The following WDFY2 variants were observed in gnomAD, a reference collection of about 807,000 sequenced individuals.
WDFY2 encodes WD repeat and FYVE domain-containing protein 2.
WDFY2 carries 36 observed loss-of-function variants against 56.4 expected under a neutral mutation model. The ratio of observed to expected loss-of-function variants is 0.64; its 90% confidence interval spans 0.49 to 0.84. WDFY2 has a LOEUF of 0.84. Ranked by LOEUF, WDFY2 falls within the 40% of genes least tolerant of loss-of-function variation. WDFY2 has a pLI of 0.00. For synonymous variants in WDFY2, 176 were observed against 183.7 expected, an observed-to-expected ratio of 0.96 and a Z score of 0.34; for missense variants, 444 against 512.2, an observed-to-expected ratio of 0.87 and a Z score of 1.29.
In WDFY2 at chr13:51,736,642, G is replaced by A. The variant is rs560480030; in HGVS notation, c.599-2407G>A. ...CAAGTAGCTGGAACTACAGGTGCGC[G>A]CCACCACGCCCAGCTAATTTTTGTA... is the stretch of plus-strand genomic sequence containing the variant. On this transcript the variant is annotated intron_variant, in intron 6 of 11. Coordinates refer to ENST00000298125, the MANE Select transcript of WDFY2 (RefSeq NM_052950.4). 2.8e-3 allele frequency among the ~76,000 whole-genome samples: 431 copies of A among 152,242 alleles called. 3 individuals carry two copies. The highest frequency in any genetic ancestry group is 9.8e-3 in the African/African-American group (409 of 41,558).
At chr13:51,687,740 C>G (rs1002279422) in intron 3 of WDFY2, among the ~76,000 whole-genome samples, 7 of 151,974 alleles carry the variant, frequency 4.6e-5, no homozygotes, top group African/African-American at 1.7e-4. Flanking sequence ...AACTCCATTC[C>G]TTAAAATCTG....
chr13:51,637,800 G>A (rs1955080803), intron 1 of WDFY2, among the ~76,000 whole-genome samples: 1 of 152,134 alleles, frequency 6.6e-6, no homozygotes, highest in Non-Finnish European at 1.5e-5. Flanking sequence ...TTGTGATAAA[G>A]GATTAATTGT....
intron 3 of WDFY2, among the ~76,000 whole-genome samples, chr13:51,689,751 C>T (rs1956120848): frequency 1.3e-5 from 2 of 152,134 alleles, no homozygotes; most frequent in Admixed American, 6.6e-5. Context: ...GCCAGTGAAA[C>T]CTCTTTTCAT....
chr13:51,698,245 A>G (rs1302987448), intron 3 of WDFY2, among the ~76,000 whole-genome samples: 1 of 152,234 alleles, frequency 6.6e-6, no homozygotes. Context: ...ATAATCTTAA[A>G]TGTATATGTA....
intron 1 of WDFY2, among the ~76,000 whole-genome samples, chr13:51,627,074 G>C (rs1407832694): frequency 6.6e-6 from 1 of 152,246 alleles, no homozygotes; most frequent in Admixed American, 6.5e-5. Context: ...CTCCATGCCA[G>C]CCTGTGGCTG....
In WDFY2 at chr13:51,766,667, G is replaced by C. The variant is rs1489207094; in HGVS notation, c.*6898G>C. 1.3e-5 allele frequency: 2 copies of C among 152,350 alleles called. No homozygotes were observed. The highest frequency in any genetic ancestry group is 3.9e-4 in the East Asian group (2 of 5,192). 9.4% of individuals were successfully genotyped at this position (152,350 alleles called of 1,614,324 possible). A position where few individuals can be genotyped will look rare whatever the true frequency, so the allele number is the denominator to read the frequency against. ...TCAAATGCTGCTGAATATTGTGAAT[G>C]TTTTTACTCCGCTCACTTTCCCACT... On this transcript the variant is annotated 3_prime_UTR_variant, in exon 12 of 12. Coordinates refer to ENST00000298125, the MANE Select transcript of WDFY2 (RefSeq NM_052950.4).
In WDFY2 at chr13:51,767,173, C is replaced by G. The variant is rs1953776565; in HGVS notation, c.*7404C>G. The G allele has an allele frequency of 6.6e-6, 1 of 152,288 alleles. No homozygotes were observed. The highest frequency in any genetic ancestry group is 2.1e-4 in the South Asian group (1 of 4,836). The allele number at this position is 152,288 out of a possible 1,614,324, so 9.4% of individuals were successfully genotyped here. On this transcript the variant is annotated 3_prime_UTR_variant, in exon 12 of 12. Transcript: ENST00000298125. Reference sequence around the variant, plus strand: ...AAATAGGTGCAAAGGCACCAAGTGACCTGCATGCTATGGAATCACCGTTGA... The same window carrying G: ...AAATAGGTGCAAAGGCACCAAGTGAGCTGCATGCTATGGAATCACCGTTGA...
At position 51,621,978 on chromosome 13, in the gene WDFY2, G is replaced by A. The variant is rs146736126; in HGVS notation, c.137+37154G>A. On this transcript the variant is annotated intron_variant, in intron 1 of 11. Transcript: ENST00000298125. ...TTTTTTTAAGCTTTTTTTGCTCAAT[G>A]TAGCTTGATGTAGAAAGATGAGTGT... is the stretch of plus-strand genomic sequence containing the variant. Among the ~76,000 whole-genome samples the A allele has an allele frequency of 4.3e-3, 655 of 152,208 alleles. 5 individuals carry two copies. The highest frequency in any genetic ancestry group is 0.015 in the African/African-American group (627 of 41,522).
intron 3 of WDFY2, among the ~76,000 whole-genome samples, chr13:51,676,855 T>C (rs1255460855): frequency 6.6e-6 from 1 of 152,228 alleles, no homozygotes; most frequent in Admixed American, 6.5e-5. Context: ...TTCAGTGGAC[T>C]TCTGAAGTGT....
At chr13:51,589,630 T>C (rs1403556831) in intron 1 of WDFY2, 1 of 152,174 alleles carries the variant, frequency 6.6e-6, no homozygotes, top group Non-Finnish European at 1.5e-5. Context: ...TTGCACAATT[T>C]TCTTAAGAAA....
At chr13:51,685,464 C>T (rs1312439460) in intron 3 of WDFY2, among the ~76,000 whole-genome samples, 3 of 152,136 alleles carry the variant, frequency 2.0e-5, no homozygotes, top group Non-Finnish European at 2.9e-5. Flanking sequence ...TTACTGATAG[C>T]GTAAACAGTC....
intron 5 of WDFY2, among the ~76,000 whole-genome samples, chr13:51,724,886 GAA>G (rs1397446295): frequency 6.6e-6 from 1 of 152,182 alleles, no homozygotes; most frequent in African/African-American, 2.4e-5. Context: ...CACTGTGTCT[GAA>G]ATAAGCCCAC....
intron 5 of WDFY2, among the ~76,000 whole-genome samples, chr13:51,720,409 G>T (rs1952461216): frequency 6.6e-6 from 1 of 152,222 alleles, no homozygotes; most frequent in Admixed American, 6.5e-5. Context: ...ATAAGGAATG[G>T]CAGGCAGGAT....
intron 1 of WDFY2, among the ~76,000 whole-genome samples, chr13:51,624,394 T>TCCA (rs1954801707): frequency 2.0e-5 from 3 of 152,214 alleles, no homozygotes; most frequent in Non-Finnish European, 4.4e-5. Flanking sequence ...GAGTCTTGTG[T>TCCA]GTTGAGTTCT....
intron 7 of WDFY2, among the ~76,000 whole-genome samples, chr13:51,749,075 G>A (rs774315096): frequency 2.9e-4 from 44 of 152,138 alleles, no homozygotes; most frequent in African/African-American, 9.2e-4. Context: ...AGAAAGGCTC[G>A]CAAAAATATT....
intron 7 of WDFY2, among the ~76,000 whole-genome samples, chr13:51,740,481 C>T (rs1412608142): frequency 3.9e-5 from 6 of 152,184 alleles, no homozygotes; most frequent in East Asian, 1.9e-4. Context: ...TTTGGGAGGC[C>T]GAGGCGGGCG....
At chr13:51,666,711 T>TAC (rs555398889) in intron 2 of WDFY2, among the ~76,000 whole-genome samples, 29 of 152,138 alleles carry the variant, frequency 1.9e-4, no homozygotes, top group East Asian at 5.8e-4. Flanking sequence ...TCTTTCTGTT[T>TAC]ACACACACAC....
In WDFY2 at chr13:51,584,480, A is replaced by G. The variant is rs1953893392; in HGVS notation, c.-208A>G. ...TCCTCTTGTAGTGGCGCCGGCTTGCATCCCAGGTCGTGGCGGTTTTGGTGC... is the reference window on the plus strand; with the variant it reads ...TCCTCTTGTAGTGGCGCCGGCTTGCGTCCCAGGTCGTGGCGGTTTTGGTGC... On this transcript the variant is annotated 5_prime_UTR_variant, in exon 1 of 12. Transcript: ENST00000298125. 1.8e-5 allele frequency: 11 copies of G among 618,692 alleles called. No individual in the cohort carries two copies. In the South Asian group the frequency reaches 2.2e-4, roughly 12 times the overall value. The allele number at this position is 618,692 out of a possible 1,614,324, so 38.3% of individuals were successfully genotyped here. A position where few individuals can be genotyped will look rare whatever the true frequency, so the allele number is the denominator to read the frequency against.
chr13:51,723,103 A>G (rs935157480), intron 5 of WDFY2, among the ~76,000 whole-genome samples: 5 of 152,196 alleles, frequency 3.3e-5, no homozygotes, highest in African/African-American at 1.2e-4. Flanking sequence ...ATTTCTTCCT[A>G]TCATACTTAA....
Sources: allele counts gnomAD v4.1 joint callset (sites outside exome capture counted in the v4.1 genomes callset), GRCh38; gene constraint gnomAD v4.1.1; transcripts MANE v1.5; gene names NCBI Gene and HGNC (gene_info 2026-07-23, HGNC 2026-07-21).